Variants in VSTM2A observed in about 807,000 individuals in gnomAD.
VSTM2A encodes the protein V-set and transmembrane domain-containing protein 2A.
VSTM2A carries 13 observed loss-of-function variants against 27.3 expected under a neutral mutation model. The observed-to-expected ratio is 0.48, with a 90% confidence interval of 0.31 to 0.76. The LOEUF (loss-of-function observed/expected upper bound fraction) is 0.76, where lower values mean the gene tolerates loss of function less well. Ranked by LOEUF, VSTM2A falls within the 30% of genes least tolerant of loss-of-function variation. The pLI is 0.05. For synonymous variants in VSTM2A, 142 were observed against 125.7 expected (o/e 1.13, Z -0.87); for missense variants, 280 against 310.0 (o/e 0.90, Z 0.73).
chr7:54,548,496 T>C (rs1788076225), intron 3 of VSTM2A, among the ~76,000 whole-genome samples: 1 of 151,540 alleles, frequency 6.6e-6, no homozygotes, highest in South Asian at 2.1e-4. Flanking sequence ...TCTGCATTAC[T>C]CCACATGCCA....
At chr7:54,559,979 A>T (rs1788501916) in intron 4 of VSTM2A, 1 of 152,186 alleles carries the variant, frequency 6.6e-6, no homozygotes, top group South Asian at 2.1e-4. Context: ...AATGTAAGTT[A>T]TGATTTTTAA....
chr7:54,557,248 T>A (rs1046245490), intron 4 of VSTM2A: 29 of 152,184 alleles, frequency 1.9e-4, no homozygotes, highest in African/African-American at 6.8e-4. Context: ...TGCACAGCGG[T>A]TAAAGAGGAA....
At chr7:54,549,754 A>G in intron 3 of VSTM2A, 80 bp from the exon 4 acceptor site, 2 of 1,341,648 alleles carry the variant, frequency 1.5e-6, no homozygotes, top group Non-Finnish European at 2.0e-6. Context: ...ACTTTCCAAT[A>G]TTAGCAAGCT....
intron 2 of VSTM2A, chr7:54,546,218 TAGGGGAA>T (rs1787960646): frequency 8.7e-6 from 1 of 115,196 alleles, no homozygotes; most frequent in Non-Finnish European, 1.8e-5. Context: ...GAGAAGGAAG[TAGGGGAA>T]TGGGGAGTGT....
chr7:54,552,871 G>T (rs987546207), intron 4 of VSTM2A, among the ~76,000 whole-genome samples: 4 of 152,126 alleles, frequency 2.6e-5, no homozygotes, highest in African/African-American at 7.2e-5. Context: ...ACAAAAGCTG[G>T]CCCGTTTGGC....
chr7:54,566,783 A>G (rs545462445), intron 4 of VSTM2A, among the ~76,000 whole-genome samples: 4 of 152,352 alleles, frequency 2.6e-5, no homozygotes, highest in African/African-American at 9.6e-5. Context: ...CAGCAGAGGA[A>G]ATCAGAACTC....
At chr7:54,545,997 G>T (rs1222114079) in intron 2 of VSTM2A, among the ~76,000 whole-genome samples, 1 of 101,466 alleles carries the variant, frequency 9.9e-6, no homozygotes, top group Non-Finnish European at 2.0e-5. Flanking sequence ...AATGAGGGGG[G>T]AAGGGGGGAG....
At chr7:54,543,353 C>G (rs1414205551) in intron 1 of VSTM2A, among the ~76,000 whole-genome samples, 1 of 152,126 alleles carries the variant, frequency 6.6e-6, no homozygotes, top group Non-Finnish European at 1.5e-5. Flanking sequence ...TTCAGGACTT[C>G]GTAGGCTGCA....
intron 4 of VSTM2A, chr7:54,551,457 T>G (rs907253793): frequency 6.6e-6 from 1 of 152,168 alleles, no homozygotes; most frequent in African/African-American, 2.4e-5. Flanking sequence ...GTCATTGCAA[T>G]TTATGTCAGT....
At chr7:54,545,861 G>A (rs1216849855) in intron 2 of VSTM2A, among the ~76,000 whole-genome samples, 35 of 132,460 alleles carry the variant, frequency 2.6e-4, no homozygotes, top group Non-Finnish European at 5.3e-4. Context: ...AGGGAGAATT[G>A]GAGTGGGAAG....
chr7:54,554,435 A>G (rs1584055412), intron 4 of VSTM2A, among the ~76,000 whole-genome samples: 1 of 152,196 alleles, frequency 6.6e-6, no homozygotes, highest in East Asian at 1.9e-4. Flanking sequence ...TCATTTCTGT[A>G]GATCCAGACT....
chr7:54,551,514 T>G (rs903592327), intron 4 of VSTM2A: 3 of 152,160 alleles, frequency 2.0e-5, no homozygotes, highest in Admixed American at 6.5e-5. Context: ...TGTGTGTGGA[T>G]TTGTCTAATT....
chr7:54,549,162 TC>T (rs985252442), intron 3 of VSTM2A, among the ~76,000 whole-genome samples: 1 of 152,092 alleles, frequency 6.6e-6, no homozygotes, highest in Non-Finnish European at 1.5e-5. Context: ...ATCGATGGCA[TC>T]CCAAGTCCCT....
At chr7:54,550,220 A>C (rs1311693669) in intron 4 of VSTM2A, 50 bp downstream of exon 4, 2 of 1,555,444 alleles carry the variant, frequency 1.3e-6, no homozygotes, top group Non-Finnish European at 8.7e-7. Flanking sequence ...CAAACGCTCC[A>C]CAGAAAGGTC....
At chr7:54,564,517 A>G (rs1788661245) in intron 4 of VSTM2A, among the ~76,000 whole-genome samples, 3 of 152,328 alleles carry the variant, frequency 2.0e-5, no homozygotes, top group South Asian at 4.1e-4. Context: ...GAGAAAGTGG[A>G]TATTTGGAGA....
intron 2 of VSTM2A, chr7:54,546,648 C>T (rs1324147922): frequency 5.9e-6 from 2 of 340,984 alleles, no homozygotes; most frequent in East Asian, 4.5e-5. Flanking sequence ...GCCCCGCCTC[C>T]AGAGCGCAGC....
chr7:54,548,237 C>CATTGAG (rs1788067908), intron 3 of VSTM2A, among the ~76,000 whole-genome samples: 1 of 152,132 alleles, frequency 6.6e-6, no homozygotes, highest in Non-Finnish European at 1.5e-5. Context: ...CTGATGCATA[C>CATTGAG]ATTGAGAAAC....
At chr7:54,564,933 A>C (rs896528567) in intron 4 of VSTM2A, among the ~76,000 whole-genome samples, 9 of 152,242 alleles carry the variant, frequency 5.9e-5, no homozygotes, top group African/African-American at 2.2e-4. Flanking sequence ...TAATGCGTTG[A>C]AAAACCAAGA....
At chr7:54,546,809 G>T (rs1370810827) in intron 2 of VSTM2A, 138 bp from the exon 3 acceptor site, 3 of 988,700 alleles carry the variant, frequency 3.0e-6, no homozygotes, top group African/African-American at 3.8e-5. Flanking sequence ...CTGGACAGGG[G>T]TGGCCACGCC....
Sources: allele counts gnomAD v4.1 joint callset (sites outside exome capture counted in the v4.1 genomes callset), GRCh38; gene constraint gnomAD v4.1.1; transcripts MANE v1.5; gene names NCBI Gene and HGNC (gene_info 2026-07-23, HGNC 2026-07-21).